The following TPD52 variants were observed in gnomAD, a reference collection of about 807,000 sequenced individuals.
TPD52 encodes the protein prostate and colon associated protein.
Under a neutral mutation model 31.3 loss-of-function variants are expected in TPD52, and 17 were observed. That is an observed-to-expected ratio of 0.54 (90% confidence interval 0.37 to 0.82). TPD52 has a LOEUF of 0.82. Ranked by LOEUF, TPD52 falls within the 40% of genes least tolerant of loss-of-function variation. The probability of loss-of-function intolerance (pLI) is 0.00; values close to 1 mark genes in which losing one functional copy is unlikely to be tolerated. For synonymous variants in TPD52, 83 were observed against 89.6 expected, an observed-to-expected ratio of 0.93 and a Z score of 0.42; for missense variants, 212 against 240.1, an observed-to-expected ratio of 0.88 and a Z score of 0.77.
chr8:80,100,569 A>AGT (rs1806656681), intron 1 of TPD52, among the ~76,000 whole-genome samples: 2 of 152,220 alleles, frequency 1.3e-5, no homozygotes, highest in Non-Finnish European at 2.9e-5. Flanking sequence ...TTACTTACTA[A>AGT]GTCAGCTCTT....
chr8:80,108,475 T>C (rs901513779), intron 1 of TPD52, among the ~76,000 whole-genome samples: 1 of 152,226 alleles, frequency 6.6e-6, no homozygotes, highest in Admixed American at 6.5e-5. Flanking sequence ...ACTATGGCCA[T>C]CTTAAGTCTT....
chr8:80,105,903 T>C (rs1807076761), intron 1 of TPD52, among the ~76,000 whole-genome samples: 2 of 152,028 alleles, frequency 1.3e-5, no homozygotes, highest in South Asian at 4.2e-4. Flanking sequence ...AGCTAACTTT[T>C]GTATTTTTAG....
chr8:80,101,747 G>A (rs1010515045), intron 1 of TPD52, among the ~76,000 whole-genome samples: 1 of 152,106 alleles, frequency 6.6e-6, no homozygotes, highest in African/African-American at 2.4e-5. Context: ...CCAACCGGGT[G>A]AGAACTTGAT....
At chr8:80,098,904 A>G (rs962380871) in intron 1 of TPD52, among the ~76,000 whole-genome samples, 1 of 152,220 alleles carries the variant, frequency 6.6e-6, no homozygotes, top group Non-Finnish European at 1.5e-5. Context: ...GTCAGCAGCC[A>G]TTCTCATTGA....
At chr8:80,106,776 A>G (rs1012931310) in intron 1 of TPD52, among the ~76,000 whole-genome samples, 4 of 151,046 alleles carry the variant, frequency 2.6e-5, no homozygotes, top group Non-Finnish European at 1.5e-5. Flanking sequence ...TCTGAAGATG[A>G]TATCTGTGGC....
At chr8:80,049,152 G>A (rs1586154107) in intron 5 of TPD52, among the ~76,000 whole-genome samples, 1 of 152,018 alleles carries the variant, frequency 6.6e-6, no homozygotes, top group South Asian at 2.1e-4. Context: ...GCATCACATC[G>A]AACATTTTAT....
chr8:80,045,371 T>TA (rs1238053974), intron 5 of TPD52, among the ~76,000 whole-genome samples: 10 of 152,218 alleles, frequency 6.6e-5, no homozygotes, highest in African/African-American at 2.4e-4. Context: ...CCATAACTGA[T>TA]ATGATAGGTG....
chr8:80,145,938 T>C (rs1369793449), intron 1 of TPD52, among the ~76,000 whole-genome samples: 1 of 152,204 alleles, frequency 6.6e-6, no homozygotes, highest in African/African-American at 2.4e-5. Flanking sequence ...TGTTAGTTGA[T>C]TTTAATAACT....
intron 2 of TPD52, among the ~76,000 whole-genome samples, chr8:80,061,575 C>T (rs1477734596): frequency 6.6e-6 from 1 of 151,828 alleles, no homozygotes; most frequent in Admixed American, 6.6e-5. Context: ...GTCCTAGCTA[C>T]TCAGGAGGCT....
At chr8:80,070,858 T>C (rs1319168532) in intron 1 of TPD52, among the ~76,000 whole-genome samples, 1 of 152,148 alleles carries the variant, frequency 6.6e-6, no homozygotes, top group Non-Finnish European at 1.5e-5. Flanking sequence ...CAACAATGAA[T>C]GTGTCTTTAT....
chr8:80,126,479 A>ATT lies in TPD52; in HGVS notation c.19+44944_19+44945dup, dbSNP rs752947491. Among the ~76,000 whole-genome samples, 796 of 126,430 alleles carry ATT rather than the reference A, an allele frequency of 6.3e-3. 18 individuals carry two copies. Among genetic ancestry groups the ATT allele is most frequent in the South Asian group, 0.01 (41 of 4,010 alleles). 82.9% of individuals were successfully genotyped at this position (126,430 alleles called of 152,430 possible). On this transcript the variant is annotated intron_variant, in intron 1 of 7. Transcript: ENST00000518937. ...TTGCTTTTGAAGATAAAAGTTTATA[A>ATT]TTTTTTTTTTTTTTTTTTTTGAGAC...
chr8:80,051,663 G>C (rs1308779515), intron 3 of TPD52, 35 bp from the exon 4 acceptor site: 2 of 1,503,970 alleles, frequency 1.3e-6, no homozygotes, highest in Non-Finnish European at 9.0e-7. Flanking sequence ...AGCAAAAGAA[G>C]GGTCAGCTCA....
At position 80,035,621 on chromosome 8, in the gene TPD52, A is replaced by G. The variant is rs771206492; in HGVS notation, c.*2495T>C. On this transcript the variant is annotated 3_prime_UTR_variant, in exon 8 of 8. Transcript: ENST00000518937. ...CTTTTTTTCTATTTCAAACTATTCT[A>G]AGTTGCTAAGGTGATAATCCAGTTT... The G allele has an allele frequency of 6.6e-6, 1 of 152,188 alleles. No homozygotes were observed. The allele number at this position is 152,188 out of a possible 1,614,324, so 9.4% of individuals were successfully genotyped here.
rs995446205 is a variant in TPD52, at chr8:80,093,957, G to A, written c.20-29364C>T. ...TGTGGAAAGCTTCAAAACTTTCTTT[G>A]CCTTTTGGCACAAGACTGAAGACAT... is the stretch of plus-strand genomic sequence containing the variant. On this transcript the variant is annotated intron_variant, in intron 1 of 7. Transcript: ENST00000518937. 2.4e-4 allele frequency among the ~76,000 whole-genome samples: 36 copies of A among 152,028 alleles called. 1 individual carries two copies. Among genetic ancestry groups the A allele is most frequent in the Admixed American group, 2.0e-3 (30 of 15,278 alleles).
intron 1 of TPD52, among the ~76,000 whole-genome samples, chr8:80,141,068 T>C (rs577045615): frequency 3.0e-4 from 46 of 152,252 alleles, no homozygotes; most frequent in African/African-American, 4.1e-4. Context: ...TCTGTGGCTC[T>C]GTGCATGTGT....
At chr8:80,161,820 C>T (rs1811385916) in intron 1 of TPD52, among the ~76,000 whole-genome samples, 2 of 151,646 alleles carry the variant, frequency 1.3e-5, no homozygotes, top group East Asian at 1.9e-4. Context: ...ACCTCCACCT[C>T]CTGGGTTCAA....
chr8:80,042,557 C>T lies in TPD52; in HGVS notation c.504+63G>A, dbSNP rs939521148. The T allele has an allele frequency of 2.6e-5, 40 of 1,554,942 alleles. No homozygotes were observed. In the African/African-American group the frequency reaches 3.3e-4, roughly 13 times the overall value. ...AATATTAATGTCAATGATTTTCGCA[C>T]AGCAAAGTTAATTAAGACACCAGGC... On this transcript the variant is annotated intron_variant, in intron 7 of 7. Transcript: ENST00000518937.
intron 2 of TPD52, among the ~76,000 whole-genome samples, chr8:80,063,136 G>A (rs1284768716): frequency 6.6e-6 from 1 of 152,050 alleles, no homozygotes; most frequent in East Asian, 1.9e-4. Flanking sequence ...GTCAAAAGGT[G>A]AAAAATCACC....
At chr8:80,094,435 T>TATATATATATATAC (rs1816542052) in intron 1 of TPD52, among the ~76,000 whole-genome samples, 2 of 9,724 alleles carry the variant, frequency 2.1e-4, no homozygotes, top group East Asian at 5.7e-3. Context: ...AAATTTTATA[T>TATATATATATATAC]ATATATATAT....
Sources: gnomAD v4.1 joint callset for allele counts (sites outside exome capture counted in the v4.1 genomes callset) on GRCh38, gnomAD v4.1.1 for gene constraint, MANE v1.5 for transcripts, NCBI Gene and HGNC (gene_info 2026-07-23, HGNC 2026-07-21) for gene names.